SCUBE1: variants seen among roughly 807,000 people sequenced by gnomAD.
SCUBE1 encodes the protein signal peptide, CUB domain and EGF like domain containing 1.
A neutral mutation model predicts 124.4 loss-of-function variants in SCUBE1; 59 were observed. The observed-to-expected ratio is 0.47, with a 90% CI of 0.38 to 0.59. The LOEUF is 0.59. Among genes scored for constraint, SCUBE1 ranks in the 20% least tolerant of loss-of-function variants. The pLI, the probability that SCUBE1 is intolerant of heterozygous loss-of-function variation, is 0.00. For synonymous variants in SCUBE1, 545 were observed against 550.9 expected (o/e 0.99, Z 0.15); for missense variants, 1,150 against 1,371.2 (o/e 0.84, Z 2.55).
chr22:43,270,636 T>C (rs933619461), intron 4 of SCUBE1: 2 of 152,252 alleles, frequency 1.3e-5, no homozygotes, highest in Non-Finnish European at 2.9e-5. Context: ...GCAGGGCAAG[T>C]AGCTTTATCC....
intron 6 of SCUBE1, among the ~76,000 whole-genome samples, chr22:43,244,361 G>A (rs539379754): frequency 3.3e-5 from 5 of 152,206 alleles, no homozygotes; most frequent in African/African-American, 1.2e-4. Flanking sequence ...CTGACCACAC[G>A]CTATCTGGGC....
rs1401525045 is a variant in SCUBE1, at chr22:43,223,216, T to G, written c.1208A>C (p.Glu403Ala). 1.3e-6 allele frequency: 2 copies of G among 1,570,644 alleles called. No homozygotes were observed. The highest frequency in any genetic ancestry group is 2.1e-5 in the Admixed American group (1 of 47,350). ...RLHWNGKDCVETGKCLSRAKT... is the reference protein window; with the variant it reads ...RLHWNGKDCVATGKCLSRAKT... ...GGCGCGAGAAAGACACTTGCCTGTC[T>G]CTATGAAGGGAGATACGAGAGAGGG... Residue 403 changes from glutamate to alanine, a missense_variant and splice_region_variant, in exon 11 of 22, where the codon GAG (glutamate) becomes GCG (alanine). Glu to Ala is a moderately radical substitution (Grantham distance 107). Coordinates refer to ENST00000360835, the MANE Select transcript of SCUBE1 (RefSeq NM_173050.5).
chr22:43,238,727 G>T, intron 7 of SCUBE1, 111 bp downstream of exon 7: 1 of 867,614 alleles, frequency 1.2e-6, no homozygotes, highest in Non-Finnish European at 2.0e-6. Flanking sequence ...CTTTCCCACA[G>T]CTACACGTGG....
At chr22:43,289,750 A>C (rs1925285275) in intron 4 of SCUBE1, among the ~76,000 whole-genome samples, 3 of 152,154 alleles carry the variant, frequency 2.0e-5, no homozygotes, top group African/African-American at 4.8e-5. Context: ...TTTGCAGGCG[A>C]GGAATCTGGG....
chr22:43,255,529 A>G lies in SCUBE1; in HGVS notation c.727+2690T>C. The G allele has an allele frequency of 6.4e-7, 1 of 1,550,602 alleles. No individual in the cohort carries two copies. The highest frequency in any genetic ancestry group is 8.7e-7 in the Non-Finnish European group (1 of 1,146,998). On this transcript the variant is annotated intron_variant, in intron 6 of 21. Coordinates refer to ENST00000360835, the MANE Select transcript of SCUBE1 (RefSeq NM_173050.5). This position sits in a 1 kb window ranked among gnomAD's most constrained non-coding sequence, Gnocchi z 4.7. ...TTTCACCCGCTTGTCCACATCAGCT[A>G]CTGACGTGGCATTGAACTGAGAGCG...
intron 14 of SCUBE1, among the ~76,000 whole-genome samples, chr22:43,218,813 G>T (rs1359331521): frequency 6.6e-6 from 1 of 152,180 alleles, no homozygotes; most frequent in Non-Finnish European, 1.5e-5. Context: ...CAGCTCTCTG[G>T]CCTTGAATCC....
At chr22:43,334,753 C>G (rs1927010099) in intron 2 of SCUBE1, among the ~76,000 whole-genome samples, 1 of 152,212 alleles carries the variant, frequency 6.6e-6, no homozygotes, top group African/African-American at 2.4e-5. Flanking sequence ...ACAGTAAGGG[C>G]AGCTAGTGCT....
intron 2 of SCUBE1, among the ~76,000 whole-genome samples, chr22:43,338,427 C>CG (rs991732448): frequency 4.6e-5 from 7 of 152,282 alleles, no homozygotes; most frequent in Admixed American, 2.6e-4. Flanking sequence ...CTCTGGGGGT[C>CG]GGGGGGCAAG....
chr22:43,303,288 G>T (rs776784629), intron 3 of SCUBE1, among the ~76,000 whole-genome samples: 1 of 152,214 alleles, frequency 6.6e-6, no homozygotes, highest in Non-Finnish European at 1.5e-5. Flanking sequence ...ATCCTTGAGC[G>T]TGAGCGTCCT....
intron 21 of SCUBE1, among the ~76,000 whole-genome samples, chr22:43,206,130 A>T (rs114068843): frequency 0.013 from 1,108 of 83,158 alleles, 39 homozygotes; most frequent in African/African-American, 0.054. Context: ...CACCCACTAC[A>T]CACACCGCCT....
At chr22:43,288,503 C>T (rs562674884) in intron 4 of SCUBE1, among the ~76,000 whole-genome samples, 3 of 152,360 alleles carry the variant, frequency 2.0e-5, no homozygotes, top group East Asian at 3.9e-4. Context: ...GGGCTCCTCC[C>T]GCTTCGTGCT....
intron 4 of SCUBE1, among the ~76,000 whole-genome samples, chr22:43,284,184 A>G (rs1925038955): frequency 6.6e-6 from 1 of 152,274 alleles, no homozygotes; most frequent in Non-Finnish European, 1.5e-5. Context: ...CTTTTAGGCC[A>G]GAGGTCTGGG....
chr22:43,289,971 GCCT>G (rs1471318682), intron 4 of SCUBE1, among the ~76,000 whole-genome samples: 47 of 152,274 alleles, frequency 3.1e-4, no homozygotes, highest in Admixed American at 2.9e-3. Flanking sequence ...AGCCTCCAGC[GCCT>G]CCTCCTTGTT....
chr22:43,304,471 A>G lies in SCUBE1; in HGVS notation c.350-13291T>C, dbSNP rs371116843. On this transcript the variant is annotated intron_variant, in intron 3 of 21. Coordinates refer to ENST00000360835, the MANE Select transcript of SCUBE1 (RefSeq NM_173050.5). ...GGGGTCAGAGCCCTGCAGGACAAGA[A>G]GAGTGTGCTGTGAGAAGCAGGAACA... is the stretch of plus-strand genomic sequence containing the variant. 3.9e-4 allele frequency among the ~76,000 whole-genome samples: 60 copies of G among 152,170 alleles called. 1 individual carries two copies. Among genetic ancestry groups the G allele is most frequent in the African/African-American group, 1.4e-3 (56 of 41,438 alleles).
intron 4 of SCUBE1, among the ~76,000 whole-genome samples, chr22:43,263,895 C>T (rs1923966007): frequency 6.6e-6 from 1 of 152,208 alleles, no homozygotes; most frequent in Non-Finnish European, 1.5e-5. Flanking sequence ...CGCTTTCATG[C>T]TGCTGCCCTG....
In SCUBE1 at chr22:43,203,791, G is replaced by A; in HGVS notation, c.*206C>T. The A allele has an allele frequency of 1.8e-6, 1 of 564,318 alleles. No homozygotes were observed. The highest frequency in any genetic ancestry group is 2.2e-5 in the South Asian group (1 of 46,106). 35.0% of individuals were successfully genotyped at this position (564,318 alleles called of 1,614,324 possible). A position where few individuals can be genotyped will look rare whatever the true frequency, so the allele number is the denominator to read the frequency against. Reference sequence around the variant, plus strand: ...TGGGGAAGGGAGGCAGAGGGAGGGAGGGAGGCTTCCTGAAGCAGGGTGCTC... The same window carrying A: ...TGGGGAAGGGAGGCAGAGGGAGGGAAGGAGGCTTCCTGAAGCAGGGTGCTC... On this transcript the variant is annotated 3_prime_UTR_variant, in exon 22 of 22. Transcript: ENST00000360835.
At position 43,227,369 on chromosome 22, in the gene SCUBE1, C is replaced by T. The variant is rs1922360687; in HGVS notation, c.1207+5G>A. ...AGGGGCCAGCAGCACAGGGCGGCCA[C>T]CTACCCACGCAATCCTTCCCGTTCC... On this transcript the variant is annotated splice_donor_5th_base_variant and intron_variant, in intron 10 of 21. Transcript: ENST00000360835. 6.2e-7 allele frequency: 1 copy of T among 1,607,852 alleles called. No individual in the cohort carries two copies. The highest frequency in any genetic ancestry group is 1.1e-5 in the South Asian group (1 of 90,616).
chr22:43,343,156 C>T lies in SCUBE1; in HGVS notation c.88+18G>A, dbSNP rs903777277. 3 of 1,145,136 alleles carry T rather than the reference C, an allele frequency of 2.6e-6. No homozygotes were observed. Among genetic ancestry groups the T allele is most frequent in the Non-Finnish European group, 3.2e-6 (3 of 933,884 alleles). The allele number at this position is 1,145,136 out of a possible 1,614,324, so 70.9% of individuals were successfully genotyped here. A position where few individuals can be genotyped will look rare whatever the true frequency, so the allele number is the denominator to read the frequency against. ...AGCCCCCCGCGCCCGCCGCCCCCCA[C>T]CTCGGTCGGGGGCTTACCTGGGAGC... On this transcript the variant is annotated intron_variant, in intron 1 of 21. Transcript: ENST00000360835.
chr22:43,322,560 C>G (rs916698703), intron 2 of SCUBE1, among the ~76,000 whole-genome samples: 2 of 152,168 alleles, frequency 1.3e-5, no homozygotes, highest in African/African-American at 4.8e-5. Flanking sequence ...TACAGTCTGC[C>G]CACTGGCCAC....
Sources: allele counts gnomAD v4.1 joint callset (sites outside exome capture counted in the v4.1 genomes callset), GRCh38; gene constraint gnomAD v4.1.1; non-coding constraint Gnocchi (gnomAD v3.1); transcripts MANE v1.5; gene names NCBI Gene and HGNC (gene_info 2026-07-23, HGNC 2026-07-21).